NBEAL2: variants seen among roughly 807,000 people sequenced by gnomAD.
NBEAL2 encodes neurobeachin like 2, also known as neurobeachin-like protein 2.
Under a neutral mutation model 299.8 loss-of-function variants are expected in NBEAL2, and 160 were observed. The observed-to-expected ratio is 0.53, with a 90% CI of 0.47 to 0.61. NBEAL2 has a LOEUF of 0.61. Among genes scored for constraint, NBEAL2 ranks in the 20% least tolerant of loss-of-function variants. NBEAL2 has a pLI of 0.00. For synonymous variants in NBEAL2, 1,493 were observed against 1,542.3 expected, an observed-to-expected ratio of 0.97 and a Z score of 0.75; for missense variants, 3,112 against 3,649.0, an observed-to-expected ratio of 0.85 and a Z score of 3.79.
rs370033528 is a variant in NBEAL2, at chr3:47,006,129, C to T, written c.6920-36C>T. The T allele has an allele frequency of 9.6e-5, 155 of 1,612,838 alleles. 1 individual carries two copies. In the South Asian group the frequency reaches 1.3e-3, roughly 13 times the overall value. On this transcript the variant is annotated intron_variant, in intron 43 of 53. Transcript: ENST00000450053. Reference sequence around the variant, plus strand: ...TCAGGTCGGGTGGATGCAGAGGGCACGCAGGGAGCCCTGACTGCTCTGCCT... The same window carrying T: ...TCAGGTCGGGTGGATGCAGAGGGCATGCAGGGAGCCCTGACTGCTCTGCCT...
chr3:47,007,993 C>T lies in NBEAL2; in HGVS notation c.7603-77C>T, dbSNP rs2037587348. ...TCCCTCAGTGGCCTTCCAGTCCTGT[C>T]CTCCTCTAGTCTTGGACAAGGCCTT... On this transcript the variant is annotated intron_variant, in intron 49 of 53. Coordinates refer to ENST00000450053, the MANE Select transcript of NBEAL2 (RefSeq NM_015175.3). The T allele has an allele frequency of 2.5e-6, 4 of 1,582,514 alleles. No homozygotes were observed. In the East Asian group the frequency reaches 6.8e-5, roughly 27 times the overall value.
intron 17 of NBEAL2, 51 bp downstream of exon 17, chr3:46,996,884 GC>G: frequency 6.2e-7 from 1 of 1,608,696 alleles, no homozygotes; most frequent in South Asian, 1.1e-5. Flanking sequence ...TACTTCCCCG[GC>G]TCCCACACTC....
At chr3:46,987,129 T>A (rs1226866803) in intron 1 of NBEAL2, among the ~76,000 whole-genome samples, 1 of 152,180 alleles carries the variant, frequency 6.6e-6, no homozygotes, top group Non-Finnish European at 1.5e-5. Context: ...TCTGCCTAGG[T>A]TTTTTGGGGA....
chr3:47,009,433 G>A lies in NBEAL2; in HGVS notation c.*113G>A, dbSNP rs906373168. On this transcript the variant is annotated 3_prime_UTR_variant, in exon 54 of 54. Transcript: ENST00000450053. ...TGGGCAGCCCAGGGGGGTGAGCGGG[G>A]CCCACCCTGCCCAGCTCAGGGATTG... The A allele has an allele frequency of 1.1e-6, 1 of 902,494 alleles. No homozygotes were observed. The highest frequency in any genetic ancestry group is 1.7e-6 in the Non-Finnish European group (1 of 588,984). 55.9% of individuals were successfully genotyped at this position (902,494 alleles called of 1,614,324 possible). A position where few individuals can be genotyped will look rare whatever the true frequency, so the allele number is the denominator to read the frequency against.
Position 47,000,051 on chromosome 3 carries a change from C to A in NBEAL2, c.3952C>A (p.Pro1318Thr). ...ACCTACCTCCCCCAAGCCAGCCCCACCCAAGCCACCCACTGAGTCACCTGC... is the reference window on the plus strand; with the variant it reads ...ACCTACCTCCCCCAAGCCAGCCCCAACCAAGCCACCCACTGAGTCACCTGC... The part of the protein sequence containing the change: ...ESPTSPKPAP[P>T]KPPTESPAEP... The change falls in exon 27 of 54, where the codon CCC becomes ACC. Residue 1318 changes from proline (P) to threonine (T), a missense_variant. Pro to Thr is a conservative substitution (Grantham distance 38). This residue lies in a region of NBEAL2 where 2,243 missense variants were observed against 2,538.1 expected (regional missense o/e 0.88). Transcript: ENST00000450053. This position sits in a 1 kb window ranked among gnomAD's most constrained non-coding sequence, Gnocchi z 4.5. 1 of 1,613,490 alleles carries A rather than the reference C, an allele frequency of 6.2e-7. No individual in the cohort carries two copies. The highest frequency in any genetic ancestry group is 8.5e-7 in the Non-Finnish European group (1 of 1,179,854).
chr3:46,996,112 C>T (rs1387784302), intron 15 of NBEAL2, 61 bp downstream of exon 15: 1 of 1,554,892 alleles, frequency 6.4e-7, no homozygotes, highest in South Asian at 1.2e-5. Flanking sequence ...ACACAGTGGG[C>T]AGGTGTAGCC....
In NBEAL2 at chr3:47,004,608, C is replaced by T. The variant is rs1480760582; in HGVS notation, c.6294+18C>T. 3.1e-6 allele frequency: 5 copies of T among 1,603,668 alleles called. No homozygotes were observed. Among genetic ancestry groups the T allele is most frequent in the African/African-American group, 1.3e-5 (1 of 74,796 alleles). The stretch of plus-strand genomic sequence containing the variant: ...ACCCTGTGGTGAGGGTCCCACTCTG[C>T]ACCCCTCCACCCCTGCCCCTCTGAC... On this transcript the variant is annotated intron_variant, in intron 38 of 53. Coordinates refer to ENST00000450053, the MANE Select transcript of NBEAL2 (RefSeq NM_015175.3). The surrounding 1 kb of genome is among the most constrained non-coding windows in gnomAD (Gnocchi z 5.0).
At chr3:46,980,029 G>C (rs1374700645) in intron 1 of NBEAL2, 117 bp downstream of exon 1, 313 of 2,272 alleles carry the variant, frequency 0.14, 3 homozygotes, top group Admixed American at 0.21. Flanking sequence ...CGCGCGCGCG[G>C]GCGCGCGCGC....
Position 46,991,640 on chromosome 3 carries a change from A to G in NBEAL2, c.877A>G (p.Ser293Gly). Residue 293 changes from serine (S) to glycine (G), a missense_variant, in exon 8 of 54, where the codon AGC (serine) becomes GGC (glycine). This residue lies in a region of NBEAL2 where 2,243 missense variants were observed against 2,538.1 expected (regional missense o/e 0.88). Transcript: ENST00000450053. This position sits in a 1 kb window ranked among gnomAD's most constrained non-coding sequence, Gnocchi z 6.2. ...TAATGCTGACTGGCCAGCTGGTCTG[A>G]GCTCAGGCCCCGAAGAGGCCCTTGT... The part of the protein sequence containing the change: ...VLNADWPAGL[S>G]SGPEEALVTL... 6.3e-7 allele frequency: 1 copy of G among 1,599,702 alleles called. No homozygotes were observed. Among genetic ancestry groups the G allele is most frequent in the South Asian group, 1.1e-5 (1 of 91,036 alleles).
In NBEAL2 at chr3:47,004,704, G is replaced by C; in HGVS notation, c.6294+114G>C. 2 of 1,194,084 alleles carry C rather than the reference G, an allele frequency of 1.7e-6. No individual in the cohort carries two copies. The highest frequency in any genetic ancestry group is 2.5e-6 in the Non-Finnish European group (2 of 815,496). 74.0% of individuals were successfully genotyped at this position (1,194,084 alleles called of 1,614,324 possible). A position where few individuals can be genotyped will look rare whatever the true frequency, so the allele number is the denominator to read the frequency against. ...CAAGCTCTGAGCTTGGTCAAGGGTA[G>C]ATGTGCCAATGAAGACCTGGCCTCT... is the stretch of plus-strand genomic sequence containing the variant. On this transcript the variant is annotated intron_variant, in intron 38 of 53. Transcript: ENST00000450053. The surrounding 1 kb of genome is among the most constrained non-coding windows in gnomAD (Gnocchi z 5.0).
rs917388921 is a variant in NBEAL2, at chr3:46,989,466, G to A, written c.474-45G>A. On this transcript the variant is annotated intron_variant, in intron 5 of 53. Transcript: ENST00000450053. The surrounding 1 kb of genome is among the most constrained non-coding windows in gnomAD (Gnocchi z 5.5). ...GGGCCCAAGGAGGGGTGACGGCCAG[G>A]AGTGGTGAGAGCCGGGCTGATGTAC... is the stretch of plus-strand genomic sequence containing the variant. 10 of 1,567,842 alleles carry A rather than the reference G, an allele frequency of 6.4e-6. No homozygotes were observed. Among genetic ancestry groups the A allele is most frequent in the African/African-American group, 1.4e-5 (1 of 73,588 alleles).
At position 47,004,313 on chromosome 3, in the gene NBEAL2, C is replaced by T. The variant is rs1249809927; in HGVS notation, c.6118C>T (p.Leu2040=). Residue 2040 remains leucine, a synonymous_variant, in exon 37 of 54, where the codon CTG becomes TTG. Coordinates refer to ENST00000450053, the MANE Select transcript of NBEAL2 (RefSeq NM_015175.3). The surrounding 1 kb of genome is among the most constrained non-coding windows in gnomAD (Gnocchi z 5.0). ...QVRNQVYSWL[L]RLRPPSQGYL... ...ACGGAACCAGGTGTACTCGTGGCTC[C>T]TGCGCCTACGGCCCCCCTCTCAAGG... 6.2e-7 allele frequency: 1 copy of T among 1,612,262 alleles called. No homozygotes were observed. Among genetic ancestry groups the T allele is most frequent in the Admixed American group, 1.7e-5 (1 of 59,988 alleles).
rs2037189517 is a variant in NBEAL2 at position 47,003,480 on chromosome 3, A to AGGGC, written c.5720+172_5720+175dup. 6.6e-6 allele frequency among the ~76,000 whole-genome samples: 1 copy of AGGGC among 152,172 alleles called. No individual in the cohort carries two copies. The highest frequency in any genetic ancestry group is 2.4e-5 in the African/African-American group (1 of 41,440). On this transcript the variant is annotated intron_variant, in intron 35 of 53. Coordinates refer to ENST00000450053, the MANE Select transcript of NBEAL2 (RefSeq NM_015175.3). This position sits in a 1 kb window ranked among gnomAD's most constrained non-coding sequence, Gnocchi z 7.0. The stretch of plus-strand genomic sequence containing the variant: ...ATGGTGAGTGGGAGAGTCTCCTAAC[A>AGGGC]GGGCTGAGAGTTGCTCTTTTAACAG...
Position 46,989,333 on chromosome 3 carries a change from G to A in NBEAL2, c.425G>A (p.Cys142Tyr). Reference protein sequence around the residue: ...ENVALHALLLCEGLFDPYQTW... With the variant: ...ENVALHALLLYEGLFDPYQTW... Reference sequence around the variant, plus strand: ...GTGGCCCTACATGCTCTGCTTCTCTGCGAGGGCCTCTTTGACCCTTACCAA... The same window carrying A: ...GTGGCCCTACATGCTCTGCTTCTCTACGAGGGCCTCTTTGACCCTTACCAA... The change falls in exon 5 of 54, where the codon TGC becomes TAC. Residue 142 changes from cysteine (C) to tyrosine (Y), a missense_variant. Around this residue, in one of 3 missense-constraint regions of NBEAL2, gnomAD observed 2,243 missense variants for 2,538.1 expected, o/e 0.88. Transcript: ENST00000450053. This position sits in a 1 kb window ranked among gnomAD's most constrained non-coding sequence, Gnocchi z 5.5. 2 of 1,592,882 alleles carry A rather than the reference G, an allele frequency of 1.3e-6. No individual in the cohort carries two copies. The highest frequency in any genetic ancestry group is 1.7e-6 in the Non-Finnish European group (2 of 1,169,770).
chr3:46,983,301 G>A (rs1478281998), intron 1 of NBEAL2, among the ~76,000 whole-genome samples: 1 of 137,418 alleles, frequency 7.3e-6, no homozygotes, highest in African/African-American at 2.7e-5. Flanking sequence ...TACTTTACCT[G>A]GTCATATTCC....
rs2107468532 is a variant in NBEAL2, at chr3:47,009,538, C to G, written c.*218C>G. The stretch of plus-strand genomic sequence containing the variant: ...GCTGAGGGGCCGCCCTGAGGGCCAG[C>G]ACTGGCGTCTGCGGCCGCAGCAGCA... On this transcript the variant is annotated 3_prime_UTR_variant, in exon 54 of 54. Transcript: ENST00000450053. The G allele has an allele frequency of 1.7e-6, 1 of 573,348 alleles. No individual in the cohort carries two copies. The highest frequency in any genetic ancestry group is 2.0e-5 in the African/African-American group (1 of 50,746). 35.5% of individuals were successfully genotyped at this position (573,348 alleles called of 1,614,324 possible). A position where few individuals can be genotyped will look rare whatever the true frequency, so the allele number is the denominator to read the frequency against.
At chr3:46,999,600 C>T (rs1347147083) in intron 25 of NBEAL2, 30 bp from the exon 26 acceptor site, 1 of 1,509,680 alleles carries the variant, frequency 6.6e-7, no homozygotes, top group East Asian at 3.0e-5. Context: ...TCTGGTCAGT[C>T]CCTCAGGTCC....
In NBEAL2 at chr3:47,002,048, C is replaced by T. The variant is rs2305634; in HGVS notation, c.4911C>T (p.Ser1637=). The change falls in exon 31 of 54, where the codon TCC becomes TCT. Residue 1637 remains serine, a synonymous_variant. Transcript: ENST00000450053. The part of the protein sequence containing the change: ...AALGRVLNTS[S]LESATDEAGS... Reference sequence around the variant, plus strand: ...TGGGGCGGGTGCTGAACACCTCTTCCTTGGAGTCAGCCACTGATGAGGCAG... The same window carrying T: ...TGGGGCGGGTGCTGAACACCTCTTCTTTGGAGTCAGCCACTGATGAGGCAG... 0.56 allele frequency: 868,042 copies of T among 1,556,712 alleles called. 246,345 individuals carry two copies. Among genetic ancestry groups the T allele is most frequent in the Non-Finnish European group, 0.58 (665,865 of 1,150,584 alleles).
chr3:47,005,926 T>G lies in NBEAL2; in HGVS notation c.6802-20T>G. 1.9e-6 allele frequency: 3 copies of G among 1,613,068 alleles called. No homozygotes were observed. Among genetic ancestry groups the G allele is most frequent in the African/African-American group, 1.3e-5 (1 of 75,038 alleles). On this transcript the variant is annotated intron_variant, in intron 42 of 53. Coordinates refer to ENST00000450053, the MANE Select transcript of NBEAL2 (RefSeq NM_015175.3). ...GGGGGTCAGCTGTCCCTGCACTGAT[T>G]GCTGCCTCCCTACTCTCAGGAGTCG...
Sources: allele counts gnomAD v4.1 joint callset (sites outside exome capture counted in the v4.1 genomes callset), GRCh38; gene constraint gnomAD v4.1.1; regional missense constraint gnomAD v4.1.1; non-coding constraint Gnocchi (gnomAD v3.1); transcripts MANE v1.5; gene names NCBI Gene and HGNC (gene_info 2026-07-23, HGNC 2026-07-21).